The following TSPAN9 variants were observed in gnomAD, a reference collection of about 807,000 sequenced individuals.
TSPAN9 encodes tetraspanin 9, also known as tetraspanin-9.
A neutral mutation model predicts 31.0 loss-of-function variants in TSPAN9; 16 were observed. That is an observed-to-expected ratio of 0.52 (90% CI 0.35 to 0.78). TSPAN9 has a LOEUF of 0.78. Ranked by LOEUF, TSPAN9 falls within the 30% of genes least tolerant of loss-of-function variation. TSPAN9 has a pLI of 0.01. For missense variants in TSPAN9, 272 were observed against 312.5 expected, an observed-to-expected ratio of 0.87 and a Z score of 0.98; for synonymous variants, 145 against 121.6, an observed-to-expected ratio of 1.19 and a Z score of -1.27.
chr12:3,262,025 C>T (rs3782776), intron 3 of TSPAN9, among the ~76,000 whole-genome samples: 57,648 of 152,192 alleles, frequency 0.38, 12,970 homozygotes, highest in South Asian at 0.57. Flanking sequence ...GTTTCCTGAA[C>T]TGAAGCCAGA....
At chr12:3,205,726 C>CT (rs57552826) in intron 3 of TSPAN9, among the ~76,000 whole-genome samples, 1 of 150,926 alleles carries the variant, frequency 6.6e-6, no homozygotes, top group African/African-American at 2.5e-5. Flanking sequence ...AGGCCCCCCC[C>CT]CCCCAGAGTG....
intron 2 of TSPAN9, among the ~76,000 whole-genome samples, chr12:3,118,514 G>A (rs1181032304): frequency 6.6e-6 from 1 of 151,980 alleles, no homozygotes; most frequent in East Asian, 1.9e-4. Flanking sequence ...GACCGCCTTG[G>A]CCTCCCAAAG....
At chr12:3,164,766 G>A (rs1382741749) in intron 2 of TSPAN9, among the ~76,000 whole-genome samples, 1 of 152,210 alleles carries the variant, frequency 6.6e-6, no homozygotes, top group Non-Finnish European at 1.5e-5. Flanking sequence ...TCTCGGTATA[G>A]CACTCCAGGT....
At chr12:3,240,630 G>A (rs3825353) in intron 3 of TSPAN9, among the ~76,000 whole-genome samples, 37,703 of 152,064 alleles carry the variant, frequency 0.25, 5,017 homozygotes, top group South Asian at 0.38. Flanking sequence ...TTAAGACACA[G>A]CTGGCACTTG....
At chr12:3,079,509 T>C (rs2098296751) in intron 1 of TSPAN9, among the ~76,000 whole-genome samples, 1 of 152,180 alleles carries the variant, frequency 6.6e-6, no homozygotes, top group Admixed American at 6.5e-5. Context: ...TTGCCCAGGC[T>C]GGAGTGCGAT....
intron 2 of TSPAN9, among the ~76,000 whole-genome samples, chr12:3,194,186 A>T (rs2098365954): frequency 6.6e-6 from 1 of 152,144 alleles, no homozygotes; most frequent in South Asian, 2.1e-4. Context: ...GGGGTGGGGT[A>T]AAATGACCCA....
intron 2 of TSPAN9, among the ~76,000 whole-genome samples, chr12:3,160,388 GA>G (rs1239114448): frequency 6.6e-6 from 1 of 152,116 alleles, no homozygotes; most frequent in Non-Finnish European, 1.5e-5. Context: ...TGGCTATTTT[GA>G]ATAATGCTGC....
rs538232466 is a variant in TSPAN9, at chr12:3,112,323, T to A, written c.-18+28604T>A. ...TCCTTAGTAGCTGGGATTACAGGCA[T>A]GCACCACCATGCCCGGCTAATTTTG... is the stretch of plus-strand genomic sequence containing the variant. On this transcript the variant is annotated intron_variant, in intron 2 of 8. Coordinates refer to ENST00000011898, the MANE Select transcript of TSPAN9 (RefSeq NM_006675.5). Among the ~76,000 whole-genome samples, 78 of 151,766 alleles carry A rather than the reference T, an allele frequency of 5.1e-4. 2 individuals are homozygous for A. In the South Asian group the frequency reaches 0.011, roughly 21 times the overall value.
At chr12:3,202,037 A>T (rs993959342) in intron 3 of TSPAN9, among the ~76,000 whole-genome samples, 1 of 152,252 alleles carries the variant, frequency 6.6e-6, no homozygotes, top group Non-Finnish European at 1.5e-5. Context: ...GGTGAGAGGC[A>T]CTTTTGTAGA....
chr12:3,130,676 T>C (rs1481795185), intron 2 of TSPAN9, among the ~76,000 whole-genome samples: 2 of 152,122 alleles, frequency 1.3e-5, no homozygotes, highest in Non-Finnish European at 2.9e-5. Context: ...ATGGGGATAA[T>C]AATAGTACCG....
chr12:3,155,346 G>C (rs2098341694), intron 2 of TSPAN9, among the ~76,000 whole-genome samples: 2 of 152,200 alleles, frequency 1.3e-5, no homozygotes, highest in Admixed American at 6.5e-5. Flanking sequence ...AAGGCGGGCT[G>C]TTCCGGGAAT....
At chr12:3,123,598 A>G (rs942320142) in intron 2 of TSPAN9, among the ~76,000 whole-genome samples, 2 of 147,770 alleles carry the variant, frequency 1.4e-5, no homozygotes, top group Non-Finnish European at 3.0e-5. Flanking sequence ...AGGATTAAAC[A>G]ATTTTTTGGT....
chr12:3,193,652 G>A (rs12303307), intron 2 of TSPAN9, among the ~76,000 whole-genome samples: 253 of 152,314 alleles, frequency 1.7e-3, no homozygotes, highest in African/African-American at 5.8e-3. Flanking sequence ...AATGTGTAAG[G>A]GTTCACCAGA....
chr12:3,207,599 G>T (rs954997587), intron 3 of TSPAN9, among the ~76,000 whole-genome samples: 5 of 152,218 alleles, frequency 3.3e-5, no homozygotes, highest in African/African-American at 4.8e-5. Context: ...CACTTAGTGA[G>T]TCCCTGGTTT....
chr12:3,255,349 A>C (rs1017230309), intron 3 of TSPAN9, among the ~76,000 whole-genome samples: 1 of 152,194 alleles, frequency 6.6e-6, no homozygotes, highest in Non-Finnish European at 1.5e-5. Context: ...CCTGGGTTTG[A>C]ATCTCCCCAG....
chr12:3,281,425 G>A (rs547788631), intron 7 of TSPAN9, 96 bp downstream of exon 7: 141 of 1,442,960 alleles, frequency 9.8e-5, no homozygotes, highest in Non-Finnish European at 8.5e-5. Context: ...GGGACACTAA[G>A]AGGTTGGCTG....
chr12:3,147,341 T>A lies in TSPAN9; in HGVS notation c.-17-53836T>A, dbSNP rs1454924004. Among the ~76,000 whole-genome samples, 1 of 151,946 alleles carries A rather than the reference T, an allele frequency of 6.6e-6. No homozygotes were observed. Among genetic ancestry groups the A allele is most frequent in the Non-Finnish European group, 1.5e-5 (1 of 68,014 alleles). ...CATGTATCCCAAAAATGCAGTGTGGTGTGACAGCTGCCTGCTGCATCCTGC... is the reference window on the plus strand; with the variant it reads ...CATGTATCCCAAAAATGCAGTGTGGAGTGACAGCTGCCTGCTGCATCCTGC... On this transcript the variant is annotated intron_variant, in intron 2 of 8. Transcript: ENST00000011898. The surrounding 1 kb of genome is among the most constrained non-coding windows in gnomAD (Gnocchi z 4.3).
intron 3 of TSPAN9, among the ~76,000 whole-genome samples, chr12:3,221,991 C>T (rs540573294): frequency 1.3e-5 from 2 of 152,170 alleles, no homozygotes; most frequent in South Asian, 2.1e-4. Flanking sequence ...GCTTTCCTTT[C>T]GATGTTGTAA....
intron 2 of TSPAN9, among the ~76,000 whole-genome samples, chr12:3,138,334 G>A (rs906437217): frequency 6.6e-6 from 1 of 152,092 alleles, no homozygotes; most frequent in Non-Finnish European, 1.5e-5. Context: ...TCCTCACTGC[G>A]GGTCATTCAC....
Sources: allele counts gnomAD v4.1 joint callset (sites outside exome capture counted in the v4.1 genomes callset), GRCh38; gene constraint gnomAD v4.1.1; non-coding constraint Gnocchi (gnomAD v3.1); transcripts MANE v1.5; gene names NCBI Gene and HGNC (gene_info 2026-07-23, HGNC 2026-07-21).